The following DAB2IP variants were observed in gnomAD, a reference collection of about 807,000 sequenced individuals.
DAB2IP encodes disabled homolog 2-interacting protein.
DAB2IP carries 28 observed loss-of-function variants against 107.2 expected under a neutral mutation model. The ratio of observed to expected loss-of-function variants is 0.26; its 90% CI spans 0.19 to 0.36. DAB2IP has a LOEUF of 0.36. DAB2IP is among the 10% of genes least tolerant of loss of function. The pLI is 1.00. For missense variants in DAB2IP, 1,400 were observed against 1,644.7 expected, an observed-to-expected ratio of 0.85 and a Z score of 2.57; for synonymous variants, 755 against 706.4, an observed-to-expected ratio of 1.07 and a Z score of -1.09.
At chr9:121,678,617 G>A (rs1279115399) in intron 1 of DAB2IP, 61 bp from the exon 2 acceptor site, 7 of 1,337,512 alleles carry the variant, frequency 5.2e-6, no homozygotes, top group Middle Eastern at 1.9e-4. Flanking sequence ...AGTGGCAGGA[G>A]GCCCTAGCTG....
Position 121,701,225 on chromosome 9 carries a change from C to G in DAB2IP, c.362+1767C>G, listed in dbSNP as rs1829765743. 6.6e-6 allele frequency among the ~76,000 whole-genome samples: 1 copy of G among 152,222 alleles called. No homozygotes were observed. The highest frequency in any genetic ancestry group is 2.1e-4 in the South Asian group (1 of 4,836). ...TCCCGGGAGCAGGCGGCATGCATGT[C>G]ATGTTTACCTCCTTACAGCGGGAAG... is the stretch of plus-strand genomic sequence containing the variant. On this transcript the variant is annotated intron_variant, in intron 3 of 15. Transcript: ENST00000408936. The surrounding 1 kb of genome is among the most constrained non-coding windows in gnomAD (Gnocchi z 4.7).
At chr9:121,774,297 C>G in exon 13 of DAB2IP, 1 of 1,613,548 alleles carries the variant, frequency 6.2e-7, no homozygotes, top group Non-Finnish European at 8.5e-7. Flanking sequence ...CTGGACCGCA[C>G]AGCCGCTTGG....
chr9:121,652,010 T>C, intron 1 of DAB2IP, 111 bp downstream of exon 1: 1 of 994,776 alleles, frequency 1.0e-6, no homozygotes, highest in Non-Finnish European at 1.3e-6. Context: ...TGCCGGGGGT[T>C]TCCTCATCCG....
chr9:121,707,060 G>T (rs1163149484), intron 3 of DAB2IP, among the ~76,000 whole-genome samples: 1 of 152,208 alleles, frequency 6.6e-6, no homozygotes, highest in African/African-American at 2.4e-5. Context: ...TCCCCTCCCT[G>T]TGTTGGCTTA....
At chr9:121,784,369 C>G (rs1033238416) in exon 16 of DAB2IP, 1 of 153,142 alleles carries the variant, frequency 6.5e-6, no homozygotes, top group South Asian at 2.1e-4. Context: ...CTCCCCAGCC[C>G]CCTCCCACCG....
chr9:121,643,475 C>T (rs1385548635), intron 1 of DAB2IP, among the ~76,000 whole-genome samples: 2 of 152,004 alleles, frequency 1.3e-5, no homozygotes, highest in African/African-American at 4.8e-5. Context: ...TCTCCCTGAT[C>T]TCACCCCTCA....
At position 121,594,926 on chromosome 9, in the gene DAB2IP, A is replaced by G. The variant is rs78627484; in HGVS notation, c.40+27698A>G. Among the ~76,000 whole-genome samples the G allele has an allele frequency of 3.7e-3, 567 of 152,288 alleles. 3 individuals are homozygous for G. The highest frequency in any genetic ancestry group is 0.013 in the African/African-American group (543 of 41,566). On this transcript the variant is annotated intron_variant, in intron 1 of 16. Coordinates refer to the DAB2IP transcript ENST00000259371. ...GACTGGGTAGAGATAGGGAGGACAGACATTCTAGGAAGAGTAAACAGTGTG... is the reference window on the plus strand; with the variant it reads ...GACTGGGTAGAGATAGGGAGGACAGGCATTCTAGGAAGAGTAAACAGTGTG...
chr9:121,644,181 A>G (rs1775608), intron 1 of DAB2IP, among the ~76,000 whole-genome samples: 1 of 148,064 alleles, frequency 6.8e-6, no homozygotes, highest in Middle Eastern at 3.5e-3. Context: ...AAAAAGAAGA[A>G]GAAGAGGAGG....
intron 1 of DAB2IP, among the ~76,000 whole-genome samples, chr9:121,576,844 G>A (rs868727702): frequency 2.0e-5 from 3 of 152,062 alleles, no homozygotes; most frequent in Non-Finnish European, 2.9e-5. Context: ...AGTTGGTGAC[G>A]GTCACCTTTG....
chr9:121,636,305 C>T (rs1193764723), intron 1 of DAB2IP, among the ~76,000 whole-genome samples: 2 of 152,216 alleles, frequency 1.3e-5, no homozygotes, highest in African/African-American at 4.8e-5. Flanking sequence ...CTGGCCAGAC[C>T]TCCTGCTCTG....
At chr9:121,679,079 G>A (rs1828437691) in intron 2 of DAB2IP, among the ~76,000 whole-genome samples, 1 of 152,168 alleles carries the variant, frequency 6.6e-6, no homozygotes, top group South Asian at 2.1e-4. Context: ...AGAGGCTCTT[G>A]TTAGTTTAGA....
In DAB2IP at chr9:121,604,252, T is replaced by C. The variant is rs148899501; in HGVS notation, c.40+37024T>C. Among the ~76,000 whole-genome samples, 490 of 152,308 alleles carry C rather than the reference T, an allele frequency of 3.2e-3. 1 individual carries two copies. Among genetic ancestry groups the C allele is most frequent in the Non-Finnish European group, 5.4e-3 (369 of 68,030 alleles). ...TCCAAGCCATCACATGTCTCTCCTC[T>C]GGGCTTCCTCAGCCTTTCCTGAATC... On this transcript the variant is annotated intron_variant, in intron 1 of 16. Coordinates refer to the DAB2IP transcript ENST00000259371.
upstream of DAB2IP, among the ~76,000 whole-genome samples, chr9:121,646,729 G>C (rs955735472): frequency 1.3e-5 from 2 of 151,834 alleles, no homozygotes; most frequent in Non-Finnish European, 2.9e-5. Flanking sequence ...GACTCCTGTC[G>C]CCCCTAGCCT....
At chr9:121,626,745 C>A (rs1321893399) in intron 1 of DAB2IP, among the ~76,000 whole-genome samples, 1 of 152,156 alleles carries the variant, frequency 6.6e-6, no homozygotes, top group East Asian at 1.9e-4. Flanking sequence ...CTTGACAGCA[C>A]CCCCTGGTTT....
chr9:121,606,388 T>C (rs1386629276), intron 1 of DAB2IP, among the ~76,000 whole-genome samples: 1 of 137,828 alleles, frequency 7.3e-6, no homozygotes, highest in African/African-American at 2.5e-5. Context: ...TAATAATGTA[T>C]GCTACAGCAC....
chr9:121,768,549 C>T (rs781413826), exon 10 of DAB2IP: 14 of 1,614,110 alleles, frequency 8.7e-6, no homozygotes, highest in African/African-American at 8.0e-5. Context: ...CCAATACAGC[C>T]GGCTTCGAGG....
At chr9:121,626,502 C>A (rs1303427902) in intron 1 of DAB2IP, among the ~76,000 whole-genome samples, 1 of 149,426 alleles carries the variant, frequency 6.7e-6, no homozygotes, top group Non-Finnish European at 1.5e-5. Context: ...TGGCTCACTG[C>A]AACCTCCACC....
intron 1 of DAB2IP, among the ~76,000 whole-genome samples, chr9:121,673,186 A>T (rs1254652194): frequency 6.6e-6 from 1 of 152,210 alleles, no homozygotes; most frequent in African/African-American, 2.4e-5. Context: ...CAGCAGAGTC[A>T]GGGTTGAATC....
chr9:121,602,680 A>C (rs1222268845), intron 1 of DAB2IP, among the ~76,000 whole-genome samples: 1 of 152,022 alleles, frequency 6.6e-6, no homozygotes, highest in Non-Finnish European at 1.5e-5. Context: ...GGTTCACGCC[A>C]TTCTCCTGCC....
Sources: gnomAD v4.1 joint callset for allele counts (sites outside exome capture counted in the v4.1 genomes callset) on GRCh38, gnomAD v4.1.1 for gene constraint, Gnocchi (gnomAD v3.1) non-coding constraint, MANE v1.5 for transcripts, NCBI Gene and HGNC (gene_info 2026-07-23, HGNC 2026-07-21) for gene names.